Variants in RIMS2 observed in about 807,000 individuals in gnomAD.
RIMS2 encodes the protein regulating synaptic membrane exocytosis 2.
In RIMS2, 59 loss-of-function variants were observed where a neutral mutation model predicts 174.4. That is an observed-to-expected ratio of 0.34 (90% CI 0.27 to 0.42). RIMS2 has a LOEUF of 0.42. Ranked by LOEUF, RIMS2 falls within the 10% of genes least tolerant of loss-of-function variation. The pLI is 1.00. For missense variants in RIMS2, 1,620 were observed against 1,666.3 expected, an observed-to-expected ratio of 0.97 and a Z score of 0.48; for synonymous variants, 606 against 572.5, an observed-to-expected ratio of 1.06 and a Z score of -0.84.
chr8:103,532,851 AGAG>A (rs1321731867), intron 1 of RIMS2, among the ~76,000 whole-genome samples: 1 of 152,254 alleles, frequency 6.6e-6, no homozygotes, highest in African/African-American at 2.4e-5. Context: ...TAATAAAAGA[AGAG>A]AAACAAAAAA....
At chr8:103,832,633 A>T (rs112048831) in intron 3 of RIMS2, among the ~76,000 whole-genome samples, 8 of 152,098 alleles carry the variant, frequency 5.3e-5, no homozygotes, top group African/African-American at 1.9e-4. Flanking sequence ...TGAGAACATG[A>T]GTATTTGGTT....
At position 103,903,501 on chromosome 8, in the gene RIMS2, A is replaced by G. The variant is rs148089849; in HGVS notation, c.1625-6633A>G. On this transcript the variant is annotated intron_variant, in intron 4 of 23. Transcript: ENST00000504942. ...TGACAAAATGTTGTAAATAGAATAT[A>G]TGAACATTTTTTCTCTGTGTATAGA... Among the ~76,000 whole-genome samples, 75 of 152,286 alleles carry G rather than the reference A, an allele frequency of 4.9e-4. 1 individual carries two copies. Among genetic ancestry groups the G allele is most frequent in the African/African-American group, 1.7e-3 (70 of 41,580 alleles).
intron 19 of RIMS2, among the ~76,000 whole-genome samples, chr8:104,029,409 A>G (rs1444015778): frequency 6.6e-6 from 1 of 152,184 alleles, no homozygotes; most frequent in African/African-American, 2.4e-5. Context: ...CTAAAGTTAT[A>G]GGCCTAGTTA....
chr8:103,707,968 G>A (rs942204286), intron 2 of RIMS2, among the ~76,000 whole-genome samples: 1 of 152,114 alleles, frequency 6.6e-6, no homozygotes, highest in African/African-American at 2.4e-5. Flanking sequence ...TAGCTGGGCT[G>A]GTACCCAATT....
chr8:104,011,616 A>T (rs1291859173), intron 17 of RIMS2, among the ~76,000 whole-genome samples: 2 of 152,058 alleles, frequency 1.3e-5, no homozygotes, highest in African/African-American at 4.8e-5. Flanking sequence ...GTGAAATTGC[A>T]TATCCTAACA....
intron 1 of RIMS2, among the ~76,000 whole-genome samples, chr8:103,579,135 G>T (rs1056466911): frequency 1.3e-5 from 2 of 152,000 alleles, no homozygotes; most frequent in Non-Finnish European, 2.9e-5. Context: ...AGGCACAATG[G>T]TATGTGCCTG....
intron 3 of RIMS2, among the ~76,000 whole-genome samples, chr8:103,861,925 G>A (rs984340160): frequency 1.4e-4 from 21 of 152,050 alleles, no homozygotes; most frequent in African/African-American, 5.1e-4. Context: ...CTCCCATTCT[G>A]TAAGTTGTCT....
At chr8:103,634,845 T>C (rs1038097206) in intron 1 of RIMS2, among the ~76,000 whole-genome samples, 3 of 149,486 alleles carry the variant, frequency 2.0e-5, no homozygotes, top group African/African-American at 7.6e-5. Context: ...TCAACCCTGC[T>C]TTTTTTTTCT....
At chr8:103,806,305 T>G (rs1416723104) in intron 3 of RIMS2, among the ~76,000 whole-genome samples, 1 of 152,162 alleles carries the variant, frequency 6.6e-6, no homozygotes, top group East Asian at 1.9e-4. Context: ...TTATCTGTAT[T>G]TTTACATCAC....
At chr8:104,023,192 G>A (rs1015767474) in intron 19 of RIMS2, among the ~76,000 whole-genome samples, 26 of 152,248 alleles carry the variant, frequency 1.7e-4, no homozygotes, top group South Asian at 4.1e-4. Context: ...GTTGAAGCTA[G>A]AGGGGTGACT....
chr8:103,752,043 G>A (rs2097900228), intron 2 of RIMS2, among the ~76,000 whole-genome samples: 1 of 152,144 alleles, frequency 6.6e-6, no homozygotes, highest in Admixed American at 6.5e-5. Context: ...TGTCCTGAAT[G>A]GTAATGCCTA....
At chr8:104,073,492 T>A (rs1356018494) in intron 19 of RIMS2, among the ~76,000 whole-genome samples, 2 of 152,186 alleles carry the variant, frequency 1.3e-5, no homozygotes, top group African/African-American at 4.8e-5. Context: ...GTTGTGGCAA[T>A]ACTTCTACAA....
At position 104,175,923 on chromosome 8, in the gene RIMS2, A is replaced by C. The variant is rs78650039; in HGVS notation, c.3335-68993A>C. Among the ~76,000 whole-genome samples, 898 of 152,222 alleles carry C rather than the reference A, an allele frequency of 5.9e-3. 7 individuals carry two copies. Among genetic ancestry groups the C allele is most frequent in the African/African-American group, 0.02 (831 of 41,522 alleles). On this transcript the variant is annotated intron_variant, in intron 19 of 23. Coordinates refer to ENST00000504942, the Ensembl canonical transcript of RIMS2. The stretch of plus-strand genomic sequence containing the variant: ...TCCTCAAAGACTGAAAAGAACTGAG[A>C]CAAGCTGTATAATTCTCTTCATGTT...
intron 1 of RIMS2, among the ~76,000 whole-genome samples, chr8:103,597,027 A>G (rs892356589): frequency 1.6e-4 from 24 of 152,252 alleles, no homozygotes; most frequent in African/African-American, 5.5e-4. Flanking sequence ...TAAAGAAACC[A>G]GGAAATGATT....
At chr8:103,777,645 T>C (rs1220480005) in intron 3 of RIMS2, among the ~76,000 whole-genome samples, 1 of 151,996 alleles carries the variant, frequency 6.6e-6, no homozygotes, top group African/African-American at 2.4e-5. Context: ...AACAGTGCTT[T>C]ATGCTAATTA....
At chr8:104,166,548 T>C (rs1426459424) in intron 19 of RIMS2, among the ~76,000 whole-genome samples, 3 of 152,088 alleles carry the variant, frequency 2.0e-5, no homozygotes, top group Non-Finnish European at 4.4e-5. Context: ...AAGTATTCAT[T>C]TCCAAACTTT....
At chr8:104,187,367 A>ATAAATCTC (rs1411370985) in intron 19 of RIMS2, among the ~76,000 whole-genome samples, 2 of 151,982 alleles carry the variant, frequency 1.3e-5, no homozygotes, top group Non-Finnish European at 2.9e-5. Context: ...GTATTTGAGA[A>ATAAATCTC]TAAATCTCAA....
At chr8:103,982,788 A>G (rs538640725) in intron 16 of RIMS2, among the ~76,000 whole-genome samples, 1 of 152,350 alleles carries the variant, frequency 6.6e-6, no homozygotes, top group East Asian at 1.9e-4. Context: ...ACTCACAGCT[A>G]GTATCATACT....
chr8:104,217,553 G>A (rs907122460), intron 19 of RIMS2, among the ~76,000 whole-genome samples: 5 of 152,176 alleles, frequency 3.3e-5, no homozygotes, highest in African/African-American at 1.2e-4. Flanking sequence ...ACAGGCCTGA[G>A]CTGAAGTGTC....
Sources: allele counts gnomAD v4.1 joint callset (sites outside exome capture counted in the v4.1 genomes callset), GRCh38; gene constraint gnomAD v4.1.1; transcripts MANE v1.5; gene names NCBI Gene and HGNC (gene_info 2026-07-23, HGNC 2026-07-21).